Variants in FSTL5 observed in about 807,000 individuals in gnomAD.
FSTL5 encodes follistatin-related protein 5.
A neutral mutation model predicts 89.1 loss-of-function variants in FSTL5; 62 were observed. That is an observed-to-expected ratio of 0.70 (90% CI 0.57 to 0.86). The LOEUF (loss-of-function observed/expected upper bound fraction) is 0.86, where lower values mean the gene tolerates loss of function less well. Among genes scored for constraint, FSTL5 ranks in the 40% least tolerant of loss-of-function variants. The pLI is 0.00. For missense variants in FSTL5, 1,057 were observed against 1,001.6 expected (o/e 1.06, Z -0.75); for synonymous variants, 383 against 346.2 (o/e 1.11, Z -1.18).
intron 8 of FSTL5, among the ~76,000 whole-genome samples, chr4:161,572,504 T>C (rs1246728465): frequency 6.6e-6 from 1 of 152,060 alleles, no homozygotes; most frequent in African/African-American, 2.4e-5. Context: ...GAAGACTCAC[T>C]GAAGGGCTCC....
intron 7 of FSTL5, among the ~76,000 whole-genome samples, chr4:161,625,223 T>C (rs976291669): frequency 6.6e-6 from 1 of 152,150 alleles, no homozygotes; most frequent in Non-Finnish European, 1.5e-5. Context: ...TACTTTGCTT[T>C]ATTATGCTTT....
Position 161,599,812 on chromosome 4 carries a change from C to T in FSTL5, c.895-12237G>A, listed in dbSNP as rs551865976. ...TGGAAATAAATATCCATTTACATAG[C>T]TAACTGTTATTTATAATTTGTATTC... On this transcript the variant is annotated intron_variant, in intron 7 of 15. Coordinates refer to ENST00000306100, the MANE Select transcript of FSTL5 (RefSeq NM_020116.5). 3.2e-4 allele frequency among the ~76,000 whole-genome samples: 48 copies of T among 152,040 alleles called. 1 individual carries two copies. In the South Asian group the frequency reaches 9.8e-3, roughly 31 times the overall value.
At chr4:161,833,366 G>A (rs1203616036) in intron 4 of FSTL5, among the ~76,000 whole-genome samples, 1 of 150,622 alleles carries the variant, frequency 6.6e-6, no homozygotes, top group Non-Finnish European at 1.5e-5. Context: ...TGTTGATTTG[G>A]GGTGGAGAGT....
intron 11 of FSTL5, among the ~76,000 whole-genome samples, chr4:161,505,888 T>C (rs953645864): frequency 6.6e-6 from 1 of 152,118 alleles, no homozygotes; most frequent in Non-Finnish European, 1.5e-5. Context: ...AACTGGCCAG[T>C]AGAAATAACA....
At chr4:161,646,261 A>C (rs373550877) in intron 7 of FSTL5, among the ~76,000 whole-genome samples, 11 of 148,670 alleles carry the variant, frequency 7.4e-5, no homozygotes, top group Admixed American at 1.3e-4. Context: ...CTCTCTCTCT[A>C]TATATCTCAT....
At chr4:162,029,600 C>A (rs1302011203) in intron 3 of FSTL5, among the ~76,000 whole-genome samples, 2 of 152,148 alleles carry the variant, frequency 1.3e-5, no homozygotes, top group African/African-American at 4.8e-5. Context: ...AACAACCTGG[C>A]AAAAGTCCTA....
intron 3 of FSTL5, among the ~76,000 whole-genome samples, chr4:161,965,621 T>C (rs567832190): frequency 2.6e-5 from 4 of 152,060 alleles, no homozygotes; most frequent in Non-Finnish European, 5.9e-5. Context: ...CAGTGGAAGC[T>C]ATCATATTTT....
intron 3 of FSTL5, among the ~76,000 whole-genome samples, chr4:161,949,121 C>CA (rs2110946644): frequency 6.6e-6 from 1 of 152,254 alleles, no homozygotes; most frequent in East Asian, 1.9e-4. Flanking sequence ...AGGCTGCCTG[C>CA]ATTCCTTCGC....
intron 8 of FSTL5, among the ~76,000 whole-genome samples, chr4:161,586,009 A>T (rs1422450852): frequency 6.6e-6 from 1 of 152,190 alleles, no homozygotes; most frequent in Non-Finnish European, 1.5e-5. Flanking sequence ...CAAGAACTAG[A>T]TCTGCTCCCC....
chr4:161,520,116 A>G (rs1730973864), intron 10 of FSTL5, among the ~76,000 whole-genome samples: 1 of 152,100 alleles, frequency 6.6e-6, no homozygotes, highest in Non-Finnish European at 1.5e-5. Context: ...TTATCATTGC[A>G]GAGAACAGAA....
intron 15 of FSTL5, among the ~76,000 whole-genome samples, chr4:161,439,625 A>T (rs1426339739): frequency 6.6e-6 from 1 of 152,184 alleles, no homozygotes; most frequent in Non-Finnish European, 1.5e-5. Flanking sequence ...AGTGATATTA[A>T]AAGTATCTGA....
chr4:162,010,266 G>A (rs1017197129), intron 3 of FSTL5, among the ~76,000 whole-genome samples: 1 of 151,936 alleles, frequency 6.6e-6, no homozygotes, highest in Non-Finnish European at 1.5e-5. Context: ...ACTCTGAGAT[G>A]ATAAAATTTT....
chr4:161,401,356 C>G (rs1215372973), intron 15 of FSTL5, among the ~76,000 whole-genome samples: 2 of 152,140 alleles, frequency 1.3e-5, no homozygotes, highest in African/African-American at 4.8e-5. Context: ...GTTGATGATA[C>G]TTATATTGTA....
chr4:161,845,562 T>A (rs978214865), intron 4 of FSTL5, among the ~76,000 whole-genome samples: 1 of 152,226 alleles, frequency 6.6e-6, no homozygotes, highest in African/African-American at 2.4e-5. Flanking sequence ...AACCTCTGAA[T>A]ACATTGGAAA....
chr4:161,733,191 C>A (rs1012290100), intron 6 of FSTL5, among the ~76,000 whole-genome samples: 1 of 151,786 alleles, frequency 6.6e-6, no homozygotes, highest in African/African-American at 2.4e-5. Flanking sequence ...ACTTGTTTTA[C>A]CCATCATTGG....
chr4:162,031,335 C>T (rs1564713), intron 3 of FSTL5, among the ~76,000 whole-genome samples: 14,894 of 152,144 alleles, frequency 0.098, 851 homozygotes, highest in Non-Finnish European at 0.13. Context: ...TAGCTGATAA[C>T]TGATTACTAA....
intron 4 of FSTL5, among the ~76,000 whole-genome samples, chr4:161,913,215 A>G (rs558126863): frequency 1.1e-4 from 17 of 152,324 alleles, no homozygotes; most frequent in African/African-American, 3.8e-4. Flanking sequence ...CAAGGAGCCT[A>G]ATGTTAATCT....
chr4:161,437,568 A>AAAAAAAAAAC (rs1732610407), intron 15 of FSTL5, among the ~76,000 whole-genome samples: 1 of 106,168 alleles, frequency 9.4e-6, no homozygotes, highest in Admixed American at 9.3e-5. Flanking sequence ...TCCGTCTCAA[A>AAAAAAAAAAC]AAAAAAAAAA....
intron 15 of FSTL5, among the ~76,000 whole-genome samples, chr4:161,403,303 T>TTG (rs923053638): frequency 3.6e-4 from 55 of 152,000 alleles, no homozygotes; most frequent in Middle Eastern, 3.4e-3. Context: ...AACACCATTT[T>TTG]TGTGTGTGTG....
Sources: gnomAD v4.1 joint callset for allele counts (sites outside exome capture counted in the v4.1 genomes callset) on GRCh38, gnomAD v4.1.1 for gene constraint, MANE v1.5 for transcripts, NCBI Gene and HGNC (gene_info 2026-07-23, HGNC 2026-07-21) for gene names.